Variants in B3GALNT2 observed in about 807,000 individuals in gnomAD.
The protein encoded by B3GALNT2 is beta-1,3-N-acetylgalactosaminyltransferase 2, also known as UDP-GalNAc:beta-1,3-N-acetylgalactosaminyltransferase 2.
In B3GALNT2, 53 loss-of-function variants were observed where a neutral mutation model predicts 61.1. The observed-to-expected ratio is 0.87, with a 90% CI of 0.70 to 1.09. The LOEUF (loss-of-function observed/expected upper bound fraction) is 1.09, where lower values mean the gene tolerates loss of function less well. B3GALNT2 is among the 50% of genes least tolerant of loss of function. The pLI, the probability that B3GALNT2 is intolerant of heterozygous loss-of-function variation, is 0.00. For missense variants in B3GALNT2, 544 were observed against 623.0 expected, an observed-to-expected ratio of 0.87 and a Z score of 1.35; for synonymous variants, 223 against 237.4, an observed-to-expected ratio of 0.94 and a Z score of 0.56.
intron 6 of B3GALNT2, among the ~76,000 whole-genome samples, chr1:235,468,896 A>G (rs1483789023): frequency 1.3e-5 from 2 of 152,232 alleles, no homozygotes; most frequent in African/African-American, 2.4e-5. Context: ...AATTTTTCAT[A>G]AGACTTAAAA....
intron 1 of B3GALNT2, among the ~76,000 whole-genome samples, chr1:235,499,740 A>C (rs144539369): frequency 9.2e-5 from 14 of 152,368 alleles, no homozygotes; most frequent in African/African-American, 3.1e-4. Context: ...CAGAAAGGGT[A>C]GGATCTAATG....
chr1:235,484,711 G>C, intron 3 of B3GALNT2, 196 bp from the exon 4 acceptor site: 1 of 987,608 alleles, frequency 1.0e-6, no homozygotes, highest in Non-Finnish European at 1.4e-6. Context: ...TAAGAATAAA[G>C]TTTTCAGCCA....
Position 235,450,165 on chromosome 1 carries a change from T to TAA in B3GALNT2, c.*40_*41insTT. The TAA allele has an allele frequency of 6.2e-7, 1 of 1,611,420 alleles. No individual in the cohort carries two copies. The highest frequency in any genetic ancestry group is 2.2e-5 in the East Asian group (1 of 44,860). On this transcript the variant is annotated 3_prime_UTR_variant, in exon 12 of 12. Coordinates refer to ENST00000366600, the MANE Select transcript of B3GALNT2 (RefSeq NM_152490.5). Reference sequence around the variant, plus strand: ...CTCAGACTTGCACTCAGATTATCGTTTGCCTGCCCTGATTTTAGACTCTGC... The same window carrying TAA: ...CTCAGACTTGCACTCAGATTATCGTTAATGCCTGCCCTGATTTTAGACTCTGC...
downstream of B3GALNT2, among the ~76,000 whole-genome samples, chr1:235,446,906 A>G (rs1395729020): frequency 6.6e-6 from 1 of 152,078 alleles, no homozygotes; most frequent in Non-Finnish European, 1.5e-5. Context: ...CTGGTCTCAA[A>G]TTCCTGGGCT....
chr1:235,461,507 G>GGT (rs1683429335), intron 7 of B3GALNT2, among the ~76,000 whole-genome samples: 2 of 63,352 alleles, frequency 3.2e-5, no homozygotes, highest in Non-Finnish European at 5.5e-5. Context: ...ATGACCTCCT[G>GGT]TTTTTTTTTT....
At chr1:235,481,817 G>C (rs1684576877) in intron 4 of B3GALNT2, among the ~76,000 whole-genome samples, 1 of 152,088 alleles carries the variant, frequency 6.6e-6, no homozygotes, top group Non-Finnish European at 1.5e-5. Flanking sequence ...GACTCCTATA[G>C]TTGAGTATAC....
At chr1:235,444,898 A>C (rs1682141685), downstream of B3GALNT2, among the ~76,000 whole-genome samples, 1 of 152,272 alleles carries the variant, frequency 6.6e-6, no homozygotes, top group Non-Finnish European at 1.5e-5. Flanking sequence ...TAGACCTGCC[A>C]AGGCCTGCCG....
intron 1 of B3GALNT2, among the ~76,000 whole-genome samples, chr1:235,499,093 G>T (rs1244630087): frequency 6.6e-6 from 1 of 151,942 alleles, no homozygotes; most frequent in African/African-American, 2.4e-5. Flanking sequence ...ACACATAAAG[G>T]ACTCATTAAA....
intron 1 of B3GALNT2, among the ~76,000 whole-genome samples, chr1:235,497,400 T>A (rs1240567997): frequency 6.6e-6 from 1 of 151,988 alleles, no homozygotes; most frequent in Non-Finnish European, 1.5e-5. Flanking sequence ...AGAAAACTGA[T>A]ACAAAAAAAA....
the B3GALNT2 span, chr1:235,441,805 C>T: frequency 1.2e-6 from 2 of 1,613,676 alleles, no homozygotes; most frequent in Non-Finnish European, 1.7e-6. Flanking sequence ...CTTTTGCTTT[C>T]TTAAACAGAA....
intron 2 of B3GALNT2, among the ~76,000 whole-genome samples, chr1:235,490,815 T>C (rs1685027739): frequency 6.6e-6 from 1 of 152,132 alleles, no homozygotes; most frequent in African/African-American, 2.4e-5. Context: ...AGATCATTTA[T>C]ATTTATTACA....
At chr1:235,458,523 A>G in intron 8 of B3GALNT2, 80 bp downstream of exon 8, 1 of 1,490,676 alleles carries the variant, frequency 6.7e-7, no homozygotes, top group South Asian at 1.5e-5. Flanking sequence ...GTTTCCTTAC[A>G]GCCTAGTAAG....
intron 1 of B3GALNT2, among the ~76,000 whole-genome samples, chr1:235,495,873 A>C (rs1558442508): frequency 6.6e-6 from 1 of 152,230 alleles, no homozygotes; most frequent in Non-Finnish European, 1.5e-5. Flanking sequence ...TCAGTCTAAA[A>C]GACAACAAAA....
intron 1 of B3GALNT2, among the ~76,000 whole-genome samples, chr1:235,503,521 T>C (rs1685680688): frequency 6.6e-6 from 1 of 152,254 alleles, no homozygotes; most frequent in Non-Finnish European, 1.5e-5. Flanking sequence ...TAGCAGGTTA[T>C]GCGATCCAAA....
chr1:235,496,543 G>C (rs1300753352), intron 1 of B3GALNT2, among the ~76,000 whole-genome samples: 1 of 145,098 alleles, frequency 6.9e-6, no homozygotes, highest in Non-Finnish European at 1.5e-5. Flanking sequence ...GTAGGTACTT[G>C]TTTCTTTTTT....
In B3GALNT2 at chr1:235,448,588, C is replaced by T. The variant is rs142933516; in HGVS notation, c.*1618G>A. The T allele has an allele frequency of 3.3e-3, 4,516 of 1,378,544 alleles. 12 individuals carry two copies. The highest frequency in any genetic ancestry group is 3.6e-3 in the Non-Finnish European group (3,462 of 965,894). 85.4% of individuals were successfully genotyped at this position (1,378,544 alleles called of 1,614,324 possible). A position where few individuals can be genotyped will look rare whatever the true frequency, so the allele number is the denominator to read the frequency against. On this transcript the variant is annotated 3_prime_UTR_variant, in exon 12 of 12. Coordinates refer to ENST00000366600, the MANE Select transcript of B3GALNT2 (RefSeq NM_152490.5). ...TTAAGGGTAAGCTACTGCCTGGGGA[C>T]GGGGTGGGGGAAGAGTATGTGTAGC...
In B3GALNT2 at chr1:235,449,025, TAA is replaced by T. The variant is rs1041048639; in HGVS notation, c.*1179_*1180del. 1.5e-4 allele frequency: 55 copies of T among 377,992 alleles called. 1 individual carries two copies. Among genetic ancestry groups the T allele is most frequent in the South Asian group, 1.2e-3 (52 of 42,312 alleles). 23.4% of individuals were successfully genotyped at this position (377,992 alleles called of 1,614,324 possible). ...TACAGCTCATCACTGCATTTCATGA[TAA>T]GATTTAAATATTAAATAGAAAGAAA... On this transcript the variant is annotated 3_prime_UTR_variant, in exon 12 of 12. Coordinates refer to ENST00000366600, the MANE Select transcript of B3GALNT2 (RefSeq NM_152490.5).
intron 6 of B3GALNT2, among the ~76,000 whole-genome samples, chr1:235,469,257 G>A (rs1292303376): frequency 6.6e-6 from 1 of 152,178 alleles, no homozygotes; most frequent in Admixed American, 6.5e-5. Flanking sequence ...CCATGTAAAT[G>A]AGGTTAATAT....
At chr1:235,440,206 G>GTCA in the B3GALNT2 span, among the ~76,000 whole-genome samples, 1 of 152,102 alleles carries the variant, frequency 6.6e-6, no homozygotes, top group East Asian at 1.9e-4. Context: ...TCCTGACCTT[G>GTCA]TGATCCACCC....
Sources: allele counts gnomAD v4.1 joint callset (sites outside exome capture counted in the v4.1 genomes callset), GRCh38; gene constraint gnomAD v4.1.1; transcripts MANE v1.5; gene names NCBI Gene and HGNC (gene_info 2026-07-23, HGNC 2026-07-21).